The following MEI4 variants were observed in gnomAD, a reference collection of about 807,000 sequenced individuals.
MEI4 encodes meiotic double-stranded break formation protein 4.
Under a neutral mutation model 31.4 loss-of-function variants are expected in MEI4, and 27 were observed. The ratio of observed to expected loss-of-function variants is 0.86; its 90% CI spans 0.63 to 1.19. The LOEUF is 1.19. Among genes scored for constraint, MEI4 ranks in the 50% most tolerant of loss-of-function variants. The pLI, the probability that MEI4 is intolerant of heterozygous loss-of-function variation, is 0.00. For missense variants in MEI4, 329 were observed against 398.9 expected (o/e 0.82, Z 1.49); for synonymous variants, 122 against 145.4 (o/e 0.84, Z 1.16).
At chr6:77,708,581 A>G (rs1766384179) in intron 2 of MEI4, among the ~76,000 whole-genome samples, 2 of 152,124 alleles carry the variant, frequency 1.3e-5, no homozygotes, top group Non-Finnish European at 2.9e-5. Context: ...TGGTTTGGAT[A>G]TTTGTTCCCT....
intron 4 of MEI4, among the ~76,000 whole-genome samples, chr6:77,910,237 G>A (rs898819931): frequency 2.0e-5 from 3 of 152,070 alleles, no homozygotes; most frequent in South Asian, 2.1e-4. Context: ...GAAATAAAGG[G>A]CATTCAATTA....
chr6:77,850,923 C>T (rs1265658325), intron 4 of MEI4, among the ~76,000 whole-genome samples: 3 of 152,010 alleles, frequency 2.0e-5, no homozygotes, highest in Admixed American at 1.3e-4. Context: ...CTACAAAGAA[C>T]TCAAACAAAT....
Position 77,710,453 on chromosome 6 carries a change from T to C in MEI4, c.232+19550T>C, listed in dbSNP as rs566544265. On this transcript the variant is annotated intron_variant, in intron 2 of 4. Coordinates refer to ENST00000684080, the MANE Select transcript of MEI4 (RefSeq NM_001322247.2). ...AGGAGAATCGCTTGAACCTGGGAGG[T>C]GGAGATTGCAGTGAGCTGAGATTGT... 1.6e-3 allele frequency among the ~76,000 whole-genome samples: 200 copies of C among 128,508 alleles called. 1 individual carries two copies. Among genetic ancestry groups the C allele is most frequent in the African/African-American group, 5.4e-3 (175 of 32,536 alleles). 84.3% of individuals were successfully genotyped at this position (128,508 alleles called of 152,430 possible).
intron 4 of MEI4, among the ~76,000 whole-genome samples, chr6:77,910,156 G>A (rs914006323): frequency 2.0e-5 from 3 of 152,168 alleles, no homozygotes; most frequent in Admixed American, 6.6e-5. Context: ...ACAAGACAGG[G>A]ATGCCCTCTC....
chr6:77,660,309 A>C (rs1768480193), intron 1 of MEI4, among the ~76,000 whole-genome samples: 2 of 152,170 alleles, frequency 1.3e-5, no homozygotes, highest in Non-Finnish European at 2.9e-5. Flanking sequence ...TGAGTATAAA[A>C]GTAAAGAATA....
chr6:77,844,437 A>T lies in MEI4; in HGVS notation c.900+15375A>T, dbSNP rs116369891. 5.9e-3 allele frequency among the ~76,000 whole-genome samples: 900 copies of T among 152,290 alleles called. 11 individuals are homozygous for T. Among genetic ancestry groups the T allele is most frequent in the African/African-American group, 0.021 (864 of 41,570 alleles). On this transcript the variant is annotated intron_variant, in intron 4 of 4. Transcript: ENST00000684080. ...AACAGAAGCCTTCCATCAATATATG[A>T]ATACACTGTGGTTAATTTCAACAAT...
chr6:77,671,882 C>G (rs1227919161), intron 1 of MEI4, among the ~76,000 whole-genome samples: 1 of 152,146 alleles, frequency 6.6e-6, no homozygotes, highest in Non-Finnish European at 1.5e-5. Flanking sequence ...TGAACAAAGT[C>G]TAGGAAACAT....
chr6:77,727,864 C>T (rs1766866505), intron 2 of MEI4, among the ~76,000 whole-genome samples: 2 of 152,222 alleles, frequency 1.3e-5, no homozygotes, highest in Non-Finnish European at 2.9e-5. Flanking sequence ...AGACTTGGAG[C>T]ATCCTCGCAG....
At chr6:77,673,150 G>T (rs1768779824) in intron 1 of MEI4, among the ~76,000 whole-genome samples, 1 of 152,056 alleles carries the variant, frequency 6.6e-6, no homozygotes, top group African/African-American at 2.4e-5. Flanking sequence ...TCAATATAAT[G>T]GTTAAATTAA....
At chr6:77,765,233 T>C (rs1268544036) in intron 3 of MEI4, among the ~76,000 whole-genome samples, 2 of 149,536 alleles carry the variant, frequency 1.3e-5, no homozygotes, top group East Asian at 3.8e-4. Flanking sequence ...TTTTGTTACT[T>C]TTCTCTTGAG....
At chr6:77,860,317 A>G (rs963950163) in intron 4 of MEI4, among the ~76,000 whole-genome samples, 2 of 152,150 alleles carry the variant, frequency 1.3e-5, no homozygotes, top group Non-Finnish European at 2.9e-5. Flanking sequence ...TGCTAGGTGC[A>G]CCTAAATCTG....
intron 3 of MEI4, among the ~76,000 whole-genome samples, chr6:77,790,055 C>G (rs925178393): frequency 1.1e-4 from 17 of 151,920 alleles, no homozygotes; most frequent in Non-Finnish European, 2.2e-4. Context: ...CACATATACA[C>G]CATGGAATAC....
intron 4 of MEI4, among the ~76,000 whole-genome samples, chr6:77,915,310 TTGTAGGGCCAG>T (rs1486994812): frequency 6.6e-6 from 1 of 152,122 alleles, no homozygotes; most frequent in Non-Finnish European, 1.5e-5. Flanking sequence ...TCAGCATTTC[TTGTAGGGCCAG>T]TCTAATGGTG....
chr6:77,703,626 A>G (rs1766269614), intron 2 of MEI4, among the ~76,000 whole-genome samples: 1 of 152,144 alleles, frequency 6.6e-6, no homozygotes, highest in African/African-American at 2.4e-5. Context: ...TTTCTACTAG[A>G]AATCCAAACG....
chr6:77,911,649 C>A (rs369118553), intron 4 of MEI4, among the ~76,000 whole-genome samples: 1 of 150,828 alleles, frequency 6.6e-6, no homozygotes, highest in Admixed American at 6.6e-5. Context: ...TGATTTTGTT[C>A]TCTTTTTATA....
intron 4 of MEI4, among the ~76,000 whole-genome samples, chr6:77,839,827 AGTGT>A (rs1770314782): frequency 6.6e-6 from 1 of 152,226 alleles, no homozygotes; most frequent in Non-Finnish European, 1.5e-5. Flanking sequence ...CTTAGTAGTC[AGTGT>A]GTCACAATAT....
intron 4 of MEI4, among the ~76,000 whole-genome samples, chr6:77,907,190 GGTTT>G (rs963805224): frequency 2.6e-5 from 4 of 151,868 alleles, no homozygotes; most frequent in Non-Finnish European, 5.9e-5. Context: ...ATAACATGCA[GGTTT>G]GTTACATATG....
intron 2 of MEI4, among the ~76,000 whole-genome samples, chr6:77,760,704 A>G (rs1768023140): frequency 6.6e-6 from 1 of 152,138 alleles, no homozygotes; most frequent in African/African-American, 2.4e-5. Flanking sequence ...CACTAATCTA[A>G]CAAGGTAGGC....
intron 3 of MEI4, among the ~76,000 whole-genome samples, chr6:77,813,646 C>T (rs2127705709): frequency 6.6e-6 from 1 of 152,088 alleles, no homozygotes; most frequent in Non-Finnish European, 1.5e-5. Context: ...TGAAGGTAAC[C>T]TTTGTTCCCT....
Sources: gnomAD v4.1 joint callset for allele counts (sites outside exome capture counted in the v4.1 genomes callset) on GRCh38, gnomAD v4.1.1 for gene constraint, MANE v1.5 for transcripts, NCBI Gene and HGNC (gene_info 2026-07-23, HGNC 2026-07-21) for gene names.